PTK2: variants seen among roughly 807,000 people sequenced by gnomAD.
PTK2 encodes protein tyrosine kinase 2.
A neutral mutation model predicts 150.1 loss-of-function variants in PTK2; 45 were observed. That is an observed-to-expected ratio of 0.30 (90% CI 0.24 to 0.38). The LOEUF (loss-of-function observed/expected upper bound fraction) is 0.38, where lower values mean the gene tolerates loss of function less well. Among genes scored for constraint, PTK2 ranks in the 10% least tolerant of loss-of-function variants. The pLI is 1.00. For missense variants in PTK2, 919 were observed against 1,307.3 expected, an observed-to-expected ratio of 0.70 and a Z score of 4.58; for synonymous variants, 432 against 449.2, an observed-to-expected ratio of 0.96 and a Z score of 0.48.
rs1284438452 is a variant in PTK2, at chr8:140,981,089, T to A, written c.-122+20036A>T. 2.1e-5 allele frequency among the ~76,000 whole-genome samples: 3 copies of A among 144,974 alleles called. No individual in the cohort carries two copies. The East Asian group carries it at 5.9e-4, about 28-fold the overall frequency. ...AAGCTTTTTAATAAACTTCCACTCC[T>A]GCTCTGGAAAAAAAAAAAAAGAAAA... is the stretch of plus-strand genomic sequence containing the variant. On this transcript the variant is annotated intron_variant, in intron 1 of 31. Coordinates refer to ENST00000522684, the Ensembl canonical transcript of PTK2.
intron 26 of PTK2, among the ~76,000 whole-genome samples, chr8:140,692,711 A>G (rs1205311817): frequency 6.6e-6 from 1 of 152,030 alleles, no homozygotes; most frequent in African/African-American, 2.4e-5. Context: ...GAAAACTTCA[A>G]ATTTAAGGTT....
At chr8:140,921,520 T>C (rs929795584) in intron 2 of PTK2, among the ~76,000 whole-genome samples, 2 of 152,182 alleles carry the variant, frequency 1.3e-5, no homozygotes, top group Non-Finnish European at 2.9e-5. Context: ...GAAATAAAAA[T>C]CCTTTCTGGA....
At chr8:140,877,259 C>G (rs2100146186) in intron 4 of PTK2, among the ~76,000 whole-genome samples, 1 of 152,068 alleles carries the variant, frequency 6.6e-6, no homozygotes. Context: ...GTCTCGAACT[C>G]CTGAACTCAA....
chr8:140,925,161 A>G (rs2100168993), intron 2 of PTK2, among the ~76,000 whole-genome samples: 2 of 152,274 alleles, frequency 1.3e-5, no homozygotes, highest in South Asian at 4.1e-4. Flanking sequence ...CCAAGGCAGC[A>G]CTACTTGGCA....
At chr8:140,955,786 C>A (rs532325234) in intron 1 of PTK2, among the ~76,000 whole-genome samples, 1 of 152,220 alleles carries the variant, frequency 6.6e-6, no homozygotes, top group Non-Finnish European at 1.5e-5. Flanking sequence ...ACAGCCATGT[C>A]GGAAGAAGGT....
intron 1 of PTK2, among the ~76,000 whole-genome samples, chr8:140,931,730 T>C (rs2100171852): frequency 6.6e-6 from 1 of 151,212 alleles, no homozygotes; most frequent in Admixed American, 6.6e-5. Flanking sequence ...AGCCCAGGAG[T>C]TCGAGACCAG....
At chr8:140,743,919 A>G (rs2100057194) in intron 19 of PTK2, among the ~76,000 whole-genome samples, 1 of 151,616 alleles carries the variant, frequency 6.6e-6, no homozygotes, top group Middle Eastern at 3.4e-3. Flanking sequence ...CTGGGACTAC[A>G]GGCGCCCGCC....
At chr8:140,891,408 C>A (rs763804001) in intron 2 of PTK2, among the ~76,000 whole-genome samples, 2 of 152,034 alleles carry the variant, frequency 1.3e-5, no homozygotes, top group African/African-American at 4.8e-5. Context: ...AAACACCCAT[C>A]GAGAAACATG....
intron 27 of PTK2, among the ~76,000 whole-genome samples, chr8:140,679,022 T>TTG (rs1564186722): frequency 4.6e-5 from 5 of 107,870 alleles, no homozygotes; most frequent in African/African-American, 2.5e-4. Context: ...TTTTTTTTTT[T>TTG]TTTTTTTTTT....
At chr8:140,913,280 A>G in intron 2 of PTK2, among the ~76,000 whole-genome samples, 1 of 147,966 alleles carries the variant, frequency 6.8e-6, no homozygotes, top group East Asian at 2.0e-4. Context: ...TACTAGGCCA[A>G]GAATTGTAAA....
intron 15 of PTK2, 156 bp from the exon 19 acceptor site, chr8:140,761,418 TA>T: frequency 1.4e-6 from 1 of 690,880 alleles, no homozygotes; most frequent in Non-Finnish European, 2.6e-6. Context: ...TCTTAAACAA[TA>T]TTTTAACAGG....
intron 1 of PTK2, among the ~76,000 whole-genome samples, chr8:140,990,271 G>C (rs1015882281): frequency 1.3e-5 from 2 of 149,710 alleles, no homozygotes; most frequent in South Asian, 4.2e-4. Flanking sequence ...GTCTCCCTCT[G>C]TCACCCAGGT....
intron 16 of PTK2, among the ~76,000 whole-genome samples, chr8:140,756,076 G>A (rs765546778): frequency 6.6e-6 from 1 of 152,122 alleles, no homozygotes; most frequent in Non-Finnish European, 1.5e-5. Flanking sequence ...TGTAATCCCA[G>A]CACACTGGGA....
At chr8:140,686,774 C>G (rs1198030810) in intron 26 of PTK2, 80 bp from the exon 30 acceptor site, 1 of 1,186,004 alleles carries the variant, frequency 8.4e-7, no homozygotes, top group African/African-American at 1.5e-5. Flanking sequence ...AAATTCCTTC[C>G]TTTTTAACAC....
At chr8:140,751,054 C>T (rs1057187216) in intron 17 of PTK2, among the ~76,000 whole-genome samples, 3 of 151,838 alleles carry the variant, frequency 2.0e-5, no homozygotes, top group South Asian at 2.1e-4. Context: ...GGTGACACAG[C>T]GAGACCCGAG....
chr8:140,955,630 G>A (rs932578032), intron 1 of PTK2, among the ~76,000 whole-genome samples: 1 of 152,166 alleles, frequency 6.6e-6, no homozygotes, highest in East Asian at 1.9e-4. Flanking sequence ...CTCTAACACT[G>A]AAGATAGAAA....
chr8:140,976,101 T>C (rs142688311), intron 1 of PTK2, among the ~76,000 whole-genome samples: 165 of 152,302 alleles, frequency 1.1e-3, no homozygotes, highest in African/African-American at 3.8e-3. Context: ...AACTACACTT[T>C]ATAAATAAGG....
Position 140,769,519 on chromosome 8 carries a change from TA to T in PTK2, c.1178-5230del, listed in dbSNP as rs1345790323. On this transcript the variant is annotated intron_variant, in intron 14 of 31. Coordinates refer to ENST00000522684, the Ensembl canonical transcript of PTK2. The stretch of plus-strand genomic sequence containing the variant: ...CTTTCATTAAATACTAAACTATATT[TA>T]TTTTCATAAATAATTATCTCATAGC... 7 of 1,203,914 alleles carry T rather than the reference TA, an allele frequency of 5.8e-6. No individual in the cohort carries two copies. In the Admixed American group the frequency reaches 1.4e-4, roughly 24 times the overall value. The allele number at this position is 1,203,914 out of a possible 1,614,324, so 74.6% of individuals were successfully genotyped here.
chr8:140,811,862 G>A (rs1376496846), intron 10 of PTK2, among the ~76,000 whole-genome samples: 1 of 152,138 alleles, frequency 6.6e-6, no homozygotes, highest in South Asian at 2.1e-4. Context: ...GAAAAGAATA[G>A]AGAAAAAAGA....
Sources: allele counts gnomAD v4.1 joint callset (sites outside exome capture counted in the v4.1 genomes callset), GRCh38; gene constraint gnomAD v4.1.1; transcripts MANE v1.5; gene names NCBI Gene and HGNC (gene_info 2026-07-23, HGNC 2026-07-21).